The following SENP2 variants were observed in gnomAD, a reference collection of about 807,000 sequenced individuals.
SENP2 encodes sentrin-specific protease 2.
SENP2 carries 16 observed loss-of-function variants against 86.3 expected under a neutral mutation model. The ratio of observed to expected loss-of-function variants is 0.19; its 90% CI spans 0.13 to 0.28. The LOEUF (loss-of-function observed/expected upper bound fraction) is 0.28, where lower values mean the gene tolerates loss of function less well. SENP2 is among the 10% of genes least tolerant of loss of function. SENP2 has a pLI of 1.00. For missense variants in SENP2, 552 were observed against 703.0 expected (o/e 0.79, Z 2.43); for synonymous variants, 222 against 238.7 (o/e 0.93, Z 0.64).
intron 13 of SENP2, among the ~76,000 whole-genome samples, chr3:185,620,945 C>T (rs1711837785): frequency 6.6e-6 from 1 of 151,284 alleles, no homozygotes; most frequent in South Asian, 2.1e-4. Flanking sequence ...TTGAGACCAG[C>T]CTGGGCAACA....
At chr3:185,590,590 G>C (rs1222906054) in intron 2 of SENP2, among the ~76,000 whole-genome samples, 2 of 148,526 alleles carry the variant, frequency 1.3e-5, no homozygotes, top group Non-Finnish European at 3.0e-5. Flanking sequence ...TTCCTGGCCC[G>C]ACGTGGTGGC....
At chr3:185,622,172 G>A (rs1037980809) in intron 14 of SENP2, among the ~76,000 whole-genome samples, 3 of 152,132 alleles carry the variant, frequency 2.0e-5, no homozygotes, top group African/African-American at 2.4e-5. Context: ...GCATCGATAC[G>A]TTATTCTGAA....
chr3:185,607,719 T>A (rs905882863), intron 6 of SENP2, among the ~76,000 whole-genome samples: 1 of 152,126 alleles, frequency 6.6e-6, no homozygotes, highest in Non-Finnish European at 1.5e-5. Context: ...AGAGATGGGA[T>A]CTCGCTATGT....
intron 1 of SENP2, among the ~76,000 whole-genome samples, 172 bp from the exon 2 acceptor site, chr3:185,589,942 A>G (rs1721921249): frequency 6.6e-6 from 1 of 152,140 alleles, no homozygotes; most frequent in Non-Finnish European, 1.5e-5. Context: ...TGCTGGGATT[A>G]CAGGCACGAG....
chr3:185,615,125 A>G, intron 11 of SENP2, among the ~76,000 whole-genome samples: 1 of 151,994 alleles, frequency 6.6e-6, no homozygotes, highest in East Asian at 1.9e-4. Flanking sequence ...TTTGTTGATT[A>G]TTGCATTTGA....
At chr3:185,600,341 A>G (rs1722304150) in intron 4 of SENP2, among the ~76,000 whole-genome samples, 1 of 152,160 alleles carries the variant, frequency 6.6e-6, no homozygotes, top group African/African-American at 2.4e-5. Context: ...ATAATCGGTT[A>G]TCTGCAACCC....
chr3:185,629,694 C>T (rs376221825), intron 16 of SENP2, 88 bp from the exon 17 acceptor site: 8 of 1,274,672 alleles, frequency 6.3e-6, no homozygotes, highest in African/African-American at 2.9e-5. Context: ...ACATGGACAT[C>T]CTGCTTTATT....
chr3:185,592,034 T>TTTTTTTTTTTTTTTTTTA (rs1722024459), intron 2 of SENP2, among the ~76,000 whole-genome samples: 2 of 114,586 alleles, frequency 1.7e-5, no homozygotes, highest in African/African-American at 3.6e-5. Flanking sequence ...TTTTTTTTTT[T>TTTTTTTTTTTTTTTTTTA]GAGACAGGAT....
intron 16 of SENP2, among the ~76,000 whole-genome samples, chr3:185,626,986 G>T (rs1238032382): frequency 1.3e-5 from 2 of 150,966 alleles, no homozygotes; most frequent in East Asian, 3.9e-4. Flanking sequence ...GGCTGAGGCA[G>T]GAGAATTGCT....
intron 2 of SENP2, among the ~76,000 whole-genome samples, chr3:185,593,991 G>C (rs1722094159): frequency 6.6e-6 from 1 of 151,824 alleles, no homozygotes; most frequent in African/African-American, 2.4e-5. Flanking sequence ...GCTTCCCAAA[G>C]TGTTGGTATT....
At chr3:185,626,935 C>G (rs761441800) in intron 16 of SENP2, among the ~76,000 whole-genome samples, 1 of 150,686 alleles carries the variant, frequency 6.6e-6, no homozygotes, top group South Asian at 2.1e-4. Flanking sequence ...AAATTAGCCA[C>G]GTGGTGGTGC....
chr3:185,588,158 C>T (rs1472515328), intron 1 of SENP2, among the ~76,000 whole-genome samples: 2 of 146,392 alleles, frequency 1.4e-5, no homozygotes, highest in Admixed American at 7.0e-5. Flanking sequence ...TCCAGGTTCA[C>T]GCCTTTCTCC....
chr3:185,621,967 T>C (rs769024568), intron 14 of SENP2, 62 bp downstream of exon 14: 10 of 1,087,704 alleles, frequency 9.2e-6, no homozygotes, highest in Non-Finnish European at 1.4e-5. Flanking sequence ...TATCTCATCC[T>C]AGGAAGCTGT....
At chr3:185,603,706 G>C (rs1577726031) in intron 5 of SENP2, among the ~76,000 whole-genome samples, 1 of 152,174 alleles carries the variant, frequency 6.6e-6, no homozygotes, top group East Asian at 1.9e-4. Flanking sequence ...TTGTTCTTAG[G>C]AGATACACAG....
intron 5 of SENP2, among the ~76,000 whole-genome samples, chr3:185,604,314 TTTAAG>T (rs1309620151): frequency 6.6e-6 from 1 of 152,176 alleles, no homozygotes; most frequent in Non-Finnish European, 1.5e-5. Context: ...TTTCGTTTCT[TTTAAG>T]TTTTTTAATG....
At chr3:185,604,035 C>T (rs1403858043) in intron 5 of SENP2, among the ~76,000 whole-genome samples, 7 of 152,124 alleles carry the variant, frequency 4.6e-5, no homozygotes, top group Non-Finnish European at 8.8e-5. Flanking sequence ...GGAGGAGAAT[C>T]GCTTCAACCC....
At chr3:185,595,324 T>C (rs968197975) in intron 2 of SENP2, among the ~76,000 whole-genome samples, 2 of 152,214 alleles carry the variant, frequency 1.3e-5, no homozygotes, top group Non-Finnish European at 2.9e-5. Flanking sequence ...AAGCTCTTCT[T>C]CTCCTCCTTA....
intron 15 of SENP2, 123 bp downstream of exon 15, chr3:185,624,205 T>TTTTC (rs1432931699): frequency 6.7e-6 from 4 of 601,382 alleles, no homozygotes; most frequent in Admixed American, 3.3e-5. Context: ...ACATCTTTTT[T>TTTTC]TTTCTTTCTT....
chr3:185,606,658 C>G, intron 6 of SENP2, 160 bp downstream of exon 6: 1 of 636,976 alleles, frequency 1.6e-6, no homozygotes, highest in Non-Finnish European at 2.6e-6. Context: ...CCCAGATGCA[C>G]CAAAAATCTG....
Sources: gnomAD v4.1 joint callset for allele counts (sites outside exome capture counted in the v4.1 genomes callset) on GRCh38, gnomAD v4.1.1 for gene constraint, MANE v1.5 for transcripts, NCBI Gene and HGNC (gene_info 2026-07-23, HGNC 2026-07-21) for gene names.